Variants in ENTREP1 observed in about 807,000 individuals in gnomAD.
ENTREP1 encodes Friedreich ataxia region gene X123.
chr9:69,360,355 G>A, the ENTREP1 span, among the ~76,000 whole-genome samples: 1 of 151,984 alleles, frequency 6.6e-6, no homozygotes, highest in Non-Finnish European at 1.5e-5. Flanking sequence ...GTTACATTTC[G>A]CCCCTCTGCC....
At chr9:69,385,761 CTCTTT>C in the ENTREP1 span, 3 of 1,409,622 alleles carry the variant, frequency 2.1e-6, no homozygotes, top group Admixed American at 3.4e-5. Flanking sequence ...TATGTTTCGC[CTCTTT>C]TTTTTTTTTT....
At chr9:69,379,447 G>T in the ENTREP1 span, 1 of 152,294 alleles carries the variant, frequency 6.6e-6, no homozygotes, top group Non-Finnish European at 1.5e-5. Flanking sequence ...GGACAGCTTG[G>T]CCTCTCTGGT....
chr9:69,331,677 A>AGTGTG, the ENTREP1 span, among the ~76,000 whole-genome samples: 1 of 152,084 alleles, frequency 6.6e-6, no homozygotes, highest in Non-Finnish European at 1.5e-5. Context: ...GGGGATGAAA[A>AGTGTG]GTGTGTTTAG....
chr9:69,362,710 G>A, the ENTREP1 span, among the ~76,000 whole-genome samples: 2 of 152,080 alleles, frequency 1.3e-5, no homozygotes, highest in African/African-American at 2.4e-5. Context: ...TGAGTCAGTG[G>A]GCGAGGAAAG....
the ENTREP1 span, among the ~76,000 whole-genome samples, chr9:69,337,407 C>CA: frequency 6.6e-6 from 1 of 152,036 alleles, no homozygotes; most frequent in African/African-American, 2.4e-5. Flanking sequence ...AATTTTGTTG[C>CA]ATAGATTTGC....
At chr9:69,358,354 A>T in the ENTREP1 span, among the ~76,000 whole-genome samples, 1 of 152,218 alleles carries the variant, frequency 6.6e-6, no homozygotes, top group East Asian at 1.9e-4. Context: ...AGAATATATG[A>T]TACCTGTATA....
the ENTREP1 span, among the ~76,000 whole-genome samples, chr9:69,384,239 T>G: frequency 9.2e-5 from 14 of 152,226 alleles, no homozygotes; most frequent in African/African-American, 3.4e-4. Context: ...CTGTCTGGTA[T>G]TGTGTTAGAG....
chr9:69,364,751 A>G, the ENTREP1 span, among the ~76,000 whole-genome samples: 5 of 152,340 alleles, frequency 3.3e-5, no homozygotes, highest in East Asian at 9.6e-4. Flanking sequence ...CATTTGGCTA[A>G]GTTTGACCAG....
chr9:69,360,682 T>G, the ENTREP1 span, among the ~76,000 whole-genome samples: 147,392 of 152,142 alleles, frequency 0.97, 71,433 homozygotes, highest in East Asian at 1. Context: ...TGGACTGGCT[T>G]CCCAGTAGGC....
At chr9:69,324,949 T>C in the ENTREP1 span, 8 of 984,858 alleles carry the variant, frequency 8.1e-6, no homozygotes, top group South Asian at 3.8e-4. Context: ...ACTTAAATAT[T>C]TGGGGCAGGG....
At chr9:69,347,175 G>T in the ENTREP1 span, among the ~76,000 whole-genome samples, 1 of 152,184 alleles carries the variant, frequency 6.6e-6, no homozygotes, top group East Asian at 1.9e-4. Flanking sequence ...CTCACATCCT[G>T]CCCAGAGAGG....
the ENTREP1 span, chr9:69,336,158 ATTTG>A: frequency 5.5e-6 from 5 of 909,628 alleles, no homozygotes; most frequent in Non-Finnish European, 8.5e-6. Flanking sequence ...GTGACTGAGG[ATTTG>A]TTTATTGGAA....
chr9:69,377,141 T>C, the ENTREP1 span, among the ~76,000 whole-genome samples: 3 of 152,308 alleles, frequency 2.0e-5, no homozygotes, highest in East Asian at 5.8e-4. Flanking sequence ...GCTTCTAAGA[T>C]AAGTTTTTGG....
chr9:69,383,566 C>G, the ENTREP1 span: 11 of 1,600,768 alleles, frequency 6.9e-6, no homozygotes, highest in Admixed American at 3.4e-5. Flanking sequence ...AGTATCCGGG[C>G]ATCACTGCAG....
the ENTREP1 span, among the ~76,000 whole-genome samples, chr9:69,330,175 A>G: frequency 6.6e-6 from 1 of 151,980 alleles, no homozygotes. Flanking sequence ...GCTAGGTTCC[A>G]CTGGGGTTAA....
chr9:69,331,344 C>T, the ENTREP1 span, among the ~76,000 whole-genome samples: 26 of 152,200 alleles, frequency 1.7e-4, no homozygotes, highest in Non-Finnish European at 1.3e-4. Flanking sequence ...CTGATCTTAA[C>T]GATTTGGTTT....
the ENTREP1 span, among the ~76,000 whole-genome samples, chr9:69,390,425 C>T: frequency 6.6e-6 from 1 of 152,204 alleles, no homozygotes; most frequent in African/African-American, 2.4e-5. Context: ...CTCTCCTCTT[C>T]AATCCCAGTT....
At chr9:69,340,636 C>T in the ENTREP1 span, among the ~76,000 whole-genome samples, 86,101 of 117,900 alleles carry the variant, frequency 0.73, 30,558 homozygotes, top group South Asian at 0.76. Flanking sequence ...TGTGTGTGTG[C>T]GTGCATGTGT....
At chr9:69,370,136 G>A in the ENTREP1 span, among the ~76,000 whole-genome samples, 5 of 151,948 alleles carry the variant, frequency 3.3e-5, no homozygotes, top group African/African-American at 7.3e-5. Context: ...TTTTATTGGC[G>A]TACTGATGGG....
Sources: allele counts gnomAD v4.1 joint callset (sites outside exome capture counted in the v4.1 genomes callset), GRCh38; gene constraint gnomAD v4.1.1; transcripts MANE v1.5; gene names NCBI Gene and HGNC (gene_info 2026-07-23, HGNC 2026-07-21).